The following FAR2 variants were observed in gnomAD, a reference collection of about 807,000 sequenced individuals.
The protein encoded by FAR2 is fatty acyl-CoA reductase 2.
A neutral mutation model predicts 56.0 loss-of-function variants in FAR2; 19 were observed. The observed-to-expected ratio is 0.34, with a 90% CI of 0.24 to 0.50. FAR2 has a LOEUF of 0.50. Ranked by LOEUF, FAR2 falls within the 20% of genes least tolerant of loss-of-function variation. The pLI is 0.98. For missense variants in FAR2, 508 were observed against 642.2 expected (o/e 0.79, Z 2.26); for synonymous variants, 219 against 218.8 (o/e 1.00, Z -0.01).
At chr12:29,216,983 G>A (rs1055800311) in intron 1 of FAR2, among the ~76,000 whole-genome samples, 5 of 152,086 alleles carry the variant, frequency 3.3e-5, no homozygotes, top group African/African-American at 1.2e-4. Context: ...ATAAGGTAAG[G>A]CTCTCTAATC....
intron 1 of FAR2, among the ~76,000 whole-genome samples, chr12:29,199,609 A>AAG (rs1555179985): frequency 1.3e-5 from 1 of 79,374 alleles, no homozygotes; most frequent in Non-Finnish European, 3.5e-5. Flanking sequence ...CAAAAAAAAA[A>AAG]AAAAAAGAAA....
intron 2 of FAR2, among the ~76,000 whole-genome samples, chr12:29,290,308 T>C (rs557163340): frequency 2.8e-4 from 43 of 152,138 alleles, no homozygotes; most frequent in Admixed American, 1.8e-3. Context: ...TGGCCAGACA[T>C]GGTGGTGCAT....
At chr12:29,244,168 A>C (rs1410421968) in intron 1 of FAR2, among the ~76,000 whole-genome samples, 1 of 152,216 alleles carries the variant, frequency 6.6e-6, no homozygotes, top group East Asian at 1.9e-4. Flanking sequence ...AAAATAATCA[A>C]ATGATTCATC....
chr12:29,266,725 A>T (rs1047532445), intron 1 of FAR2, among the ~76,000 whole-genome samples: 4 of 152,182 alleles, frequency 2.6e-5, no homozygotes, highest in Non-Finnish European at 5.9e-5. Flanking sequence ...TGATTATTAC[A>T]CATTGCATGC....
chr12:29,294,603 G>A lies in FAR2; in HGVS notation c.365+1128G>A, dbSNP rs576789283. Among the ~76,000 whole-genome samples the A allele has an allele frequency of 2.6e-5, 4 of 152,286 alleles. No individual in the cohort carries two copies. In the East Asian group the frequency reaches 7.7e-4, roughly 29 times the overall value. On this transcript the variant is annotated intron_variant, in intron 3 of 11. Coordinates refer to ENST00000536681, the MANE Select transcript of FAR2 (RefSeq NM_001271783.2). Reference sequence around the variant, plus strand: ...GACCTCAGGTGATCCACCCGCCTTGGCCTCCCAAAGTGCTGGGATTACAGG... The same window carrying A: ...GACCTCAGGTGATCCACCCGCCTTGACCTCCCAAAGTGCTGGGATTACAGG...
chr12:29,262,388 TGA>T (rs1450445239), intron 1 of FAR2, among the ~76,000 whole-genome samples: 1 of 152,136 alleles, frequency 6.6e-6, no homozygotes, highest in Non-Finnish European at 1.5e-5. Context: ...CCCAGCACTT[TGA>T]GAGACCCAGG....
chr12:29,229,924 C>T (rs1947829344), intron 1 of FAR2, among the ~76,000 whole-genome samples: 1 of 152,014 alleles, frequency 6.6e-6, no homozygotes, highest in Non-Finnish European at 1.5e-5. Flanking sequence ...GGAGAACATT[C>T]TAGATAAAGG....
At chr12:29,152,957 G>C (rs10843331) in intron 1 of FAR2, among the ~76,000 whole-genome samples, 19,008 of 152,190 alleles carry the variant, frequency 0.12, 1,287 homozygotes, top group African/African-American at 0.16. Context: ...GGGGTGGGAA[G>C]TGTGCAGAAA....
At chr12:29,275,690 T>C (rs2136715739) in intron 2 of FAR2, among the ~76,000 whole-genome samples, 1 of 152,308 alleles carries the variant, frequency 6.6e-6, no homozygotes, top group East Asian at 1.9e-4. Context: ...ATAGTAGACG[T>C]TTCGTGTTAG....
At chr12:29,290,764 T>C (rs1182063151) in intron 2 of FAR2, among the ~76,000 whole-genome samples, 1 of 152,106 alleles carries the variant, frequency 6.6e-6, no homozygotes, top group Non-Finnish European at 1.5e-5. Flanking sequence ...AAGACAAACA[T>C]TGCATGTTTT....
chr12:29,324,240 G>T (rs1949604899), intron 10 of FAR2, among the ~76,000 whole-genome samples: 1 of 152,146 alleles, frequency 6.6e-6, no homozygotes, highest in South Asian at 2.1e-4. Flanking sequence ...AAGAAATATG[G>T]GACTATGTGA....
intron 1 of FAR2, among the ~76,000 whole-genome samples, chr12:29,175,260 G>A (rs750623609): frequency 5.4e-4 from 83 of 152,342 alleles, no homozygotes; most frequent in Non-Finnish European, 9.6e-4. Context: ...TCTTGGTCTC[G>A]CTGACTGCAA....
At chr12:29,322,770 G>C (rs7311912) in intron 10 of FAR2, among the ~76,000 whole-genome samples, 46,994 of 152,102 alleles carry the variant, frequency 0.31, 7,349 homozygotes, top group East Asian at 0.35. Context: ...ACAGCATGTA[G>C]AAGAAACCAA....
At chr12:29,253,299 A>T (rs1290601905) in intron 1 of FAR2, among the ~76,000 whole-genome samples, 167 of 144,330 alleles carry the variant, frequency 1.2e-3, no homozygotes, top group Middle Eastern at 3.7e-3. Context: ...ATCTATCTAG[A>T]TAGATATCTA....
intron 8 of FAR2, 139 bp downstream of exon 8, chr12:29,312,089 G>T (rs906570043): frequency 1.7e-6 from 1 of 591,422 alleles, no homozygotes; most frequent in African/African-American, 1.9e-5. Context: ...ATGAGAAATT[G>T]TAAATGTGTG....
intron 1 of FAR2, among the ~76,000 whole-genome samples, chr12:29,214,073 T>G (rs1947590995): frequency 6.6e-6 from 1 of 152,238 alleles, no homozygotes; most frequent in Admixed American, 6.5e-5. Flanking sequence ...ACTTGCAAAT[T>G]TAAGCACATT....
intron 1 of FAR2, among the ~76,000 whole-genome samples, chr12:29,268,979 G>A (rs182654017): frequency 2.6e-5 from 4 of 152,210 alleles, no homozygotes; most frequent in Admixed American, 1.3e-4. Context: ...GTGGAGGCAG[G>A]GCAAGATCTC....
At chr12:29,249,598 T>C (rs1948177225) in intron 1 of FAR2, among the ~76,000 whole-genome samples, 1 of 152,216 alleles carries the variant, frequency 6.6e-6, no homozygotes, top group African/African-American at 2.4e-5. Context: ...TAGGTAGAAG[T>C]TTCTTTCCAT....
chr12:29,180,761 C>G (rs565662276), intron 1 of FAR2, among the ~76,000 whole-genome samples: 1 of 151,446 alleles, frequency 6.6e-6, no homozygotes, highest in African/African-American at 2.4e-5. Flanking sequence ...ATCTATCTAT[C>G]TATCTATCTA....
Sources: gnomAD v4.1 joint callset for allele counts (sites outside exome capture counted in the v4.1 genomes callset) on GRCh38, gnomAD v4.1.1 for gene constraint, MANE v1.5 for transcripts, NCBI Gene and HGNC (gene_info 2026-07-23, HGNC 2026-07-21) for gene names.